The following SH3RF1 variants were observed in gnomAD, a reference collection of about 807,000 sequenced individuals.
SH3RF1 encodes SH3 domain containing ring finger 1, also known as E3 ubiquitin-protein ligase SH3RF1.
In SH3RF1, 32 loss-of-function variants were observed where a neutral mutation model predicts 74.0. The observed-to-expected ratio is 0.43, with a 90% CI of 0.33 to 0.58. SH3RF1 has a LOEUF of 0.58. SH3RF1 is among the 20% of genes least tolerant of loss of function. The probability of loss-of-function intolerance (pLI) is 0.05; values close to 1 mark genes in which losing one functional copy is unlikely to be tolerated. For synonymous variants in SH3RF1, 396 were observed against 439.6 expected (o/e 0.90, Z 1.24); for missense variants, 954 against 1,130.9 (o/e 0.84, Z 2.24).
At chr4:169,130,882 G>A (rs965391702) in intron 5 of SH3RF1, among the ~76,000 whole-genome samples, 1 of 152,212 alleles carries the variant, frequency 6.6e-6, no homozygotes, top group East Asian at 1.9e-4. Flanking sequence ...ACTGCAGAAT[G>A]CAGTGGTGTT....
intron 2 of SH3RF1, among the ~76,000 whole-genome samples, chr4:169,191,797 GC>G (rs752893484): frequency 6.6e-6 from 1 of 151,918 alleles, no homozygotes; most frequent in Non-Finnish European, 1.5e-5. Context: ...GGGGAGAAAA[GC>G]CTTTTTCAAC....
chr4:169,235,355 G>A (rs1730809466), intron 2 of SH3RF1, among the ~76,000 whole-genome samples: 1 of 152,252 alleles, frequency 6.6e-6, no homozygotes, highest in Admixed American at 6.5e-5. Context: ...ATAAAAAATA[G>A]CTAATACTCA....
intron 6 of SH3RF1, among the ~76,000 whole-genome samples, chr4:169,129,541 C>A (rs975101314): frequency 2.6e-5 from 4 of 152,140 alleles, no homozygotes. Context: ...TCTAAGGGGG[C>A]CTTCCAAGAC....
intron 2 of SH3RF1, among the ~76,000 whole-genome samples, chr4:169,164,065 C>T (rs1282474073): frequency 2.6e-5 from 4 of 152,202 alleles, no homozygotes; most frequent in East Asian, 3.8e-4. Flanking sequence ...CCTTCCTCTA[C>T]CCAAGTCTAG....
intron 10 of SH3RF1, among the ~76,000 whole-genome samples, chr4:169,107,948 C>G (rs1164483423): frequency 6.6e-6 from 1 of 150,882 alleles, no homozygotes; most frequent in Non-Finnish European, 1.5e-5. Flanking sequence ...TACAAATAAG[C>G]GTGTTTTTGT....
At chr4:169,118,989 G>T (rs774810469) in intron 8 of SH3RF1, among the ~76,000 whole-genome samples, 13 of 152,038 alleles carry the variant, frequency 8.6e-5, no homozygotes, top group Non-Finnish European at 1.9e-4. Flanking sequence ...TAACAATTCT[G>T]TATATAGTAA....
At chr4:169,267,604 G>A (rs1185000630) in intron 2 of SH3RF1, among the ~76,000 whole-genome samples, 4 of 152,172 alleles carry the variant, frequency 2.6e-5, no homozygotes, top group Non-Finnish European at 4.4e-5. Flanking sequence ...AAACCTGACA[G>A]CCTTAATGAT....
intron 10 of SH3RF1, among the ~76,000 whole-genome samples, 196 bp downstream of exon 10, chr4:169,116,073 A>G (rs1042775711): frequency 3.3e-5 from 5 of 152,144 alleles, no homozygotes; most frequent in African/African-American, 1.2e-4. Context: ...TGAGCTCTAG[A>G]TAAGAGGATG....
intron 2 of SH3RF1, among the ~76,000 whole-genome samples, chr4:169,253,656 C>T (rs1265489127): frequency 1.3e-5 from 2 of 152,186 alleles, no homozygotes; most frequent in South Asian, 2.1e-4. Flanking sequence ...CTACCATCCA[C>T]AGGATTACCC....
intron 2 of SH3RF1, among the ~76,000 whole-genome samples, chr4:169,246,263 T>C (rs569854250): frequency 6.6e-6 from 1 of 152,336 alleles, no homozygotes; most frequent in Admixed American, 6.5e-5. Flanking sequence ...GACACGTATT[T>C]CATAAAGAGA....
In SH3RF1 at chr4:169,130,148, T is replaced by C. The variant is rs760864361; in HGVS notation, c.1077A>G (p.Ile359Met). 3.2e-6 allele frequency: 5 copies of C among 1,568,166 alleles called. No homozygotes were observed. In the South Asian group the frequency reaches 6.0e-5, roughly 19 times the overall value. Residue 359 changes from isoleucine to methionine, a missense_variant, in exon 6 of 12, where the codon ATA (isoleucine) becomes ATG (methionine). This residue lies in a region of SH3RF1 where 854 missense variants were observed against 962.5 expected (regional missense o/e 0.89). Coordinates refer to ENST00000284637, the MANE Select transcript of SH3RF1 (RefSeq NM_020870.4). ...LSCSAPSQVH[I>M]STTGLIVTPP... ...GGGTCACAATTAACCCGGTGGTACT[T>C]ATATGAACCTGCCGAGAAAAGAAAA...
intron 4 of SH3RF1, among the ~76,000 whole-genome samples, chr4:169,142,325 G>A (rs1408611138): frequency 6.6e-6 from 1 of 152,124 alleles, no homozygotes; most frequent in African/African-American, 2.4e-5. Context: ...ATATATTTAT[G>A]TCTATTAAAT....
rs886727736 is a variant in SH3RF1, at chr4:169,096,442, A to G, written c.*77T>C. The stretch of plus-strand genomic sequence containing the variant: ...CTCCTGACCATCTGGAAGTCCACAA[A>G]TGTGCTCTTTCTGTTAAACTGCTTT... On this transcript the variant is annotated 3_prime_UTR_variant, in exon 12 of 12. Transcript: ENST00000284637. The G allele has an allele frequency of 2.4e-5, 36 of 1,503,178 alleles. 1 individual carries two copies. The African/African-American group carries it at 3.7e-4, about 16-fold the overall frequency. 93.1% of individuals were successfully genotyped at this position (1,503,178 alleles called of 1,614,324 possible).
Position 169,234,327 on chromosome 4 carries a change from A to G in SH3RF1, c.393+34493T>C, listed in dbSNP as rs1483068570. Reference sequence around the variant, plus strand: ...AAAGAAACACCCTCCCCACCCCCCAAAAAGAATTATTCAGTCTAAAATGTC... The same window carrying G: ...AAAGAAACACCCTCCCCACCCCCCAGAAAGAATTATTCAGTCTAAAATGTC... On this transcript the variant is annotated intron_variant, in intron 2 of 11. Coordinates refer to ENST00000284637, the MANE Select transcript of SH3RF1 (RefSeq NM_020870.4). 2.6e-5 allele frequency among the ~76,000 whole-genome samples: 4 copies of G among 152,014 alleles called. No homozygotes were observed. In the East Asian group the frequency reaches 7.7e-4, roughly 29 times the overall value.
At chr4:169,252,439 G>A (rs561593197) in intron 2 of SH3RF1, among the ~76,000 whole-genome samples, 1 of 152,284 alleles carries the variant, frequency 6.6e-6, no homozygotes, top group South Asian at 2.1e-4. Context: ...ATTGAAAAGG[G>A]CTATGAAAAT....
At chr4:169,258,304 G>T (rs969792089) in intron 2 of SH3RF1, among the ~76,000 whole-genome samples, 4 of 152,108 alleles carry the variant, frequency 2.6e-5, no homozygotes, top group Admixed American at 1.3e-4. Flanking sequence ...TGCCAGATTT[G>T]AACTTTCTTG....
At chr4:169,217,679 T>C (rs893342088) in intron 2 of SH3RF1, among the ~76,000 whole-genome samples, 2 of 151,990 alleles carry the variant, frequency 1.3e-5, no homozygotes, top group African/African-American at 4.8e-5. Context: ...GAATAAAACA[T>C]TGGCCTGGGA....
chr4:169,103,549 T>C (rs557375986), intron 11 of SH3RF1, among the ~76,000 whole-genome samples: 2 of 152,370 alleles, frequency 1.3e-5, no homozygotes, highest in African/African-American at 4.8e-5. Flanking sequence ...TTGAGCACTT[T>C]TTATTGTGTT....
At position 169,116,575 on chromosome 4, in the gene SH3RF1, C is replaced by A; in HGVS notation, c.1833G>T (p.Gln611His). ...PTAAVTPIQV[Q>H]NAAGLSPASV... ...ATGCAGGGCTGAGGCCGGCGGCATT[C>A]TGTACCTGGATGGGTGTCACTGCTG... Residue 611 changes from glutamine (Q) to histidine (H), a missense_variant, in exon 10 of 12, where the codon CAG (glutamine) becomes CAT (histidine). Physicochemically the swap from Gln to His is conservative, Grantham distance 24. Coordinates refer to ENST00000284637, the MANE Select transcript of SH3RF1 (RefSeq NM_020870.4). 6.3e-7 allele frequency: 1 copy of A among 1,595,064 alleles called. No homozygotes were observed. Among genetic ancestry groups the A allele is most frequent in the Non-Finnish European group, 8.6e-7 (1 of 1,168,904 alleles).
Sources: gnomAD v4.1 joint callset for allele counts (sites outside exome capture counted in the v4.1 genomes callset) on GRCh38, gnomAD v4.1.1 for gene constraint, gnomAD v4.1.1 regional missense constraint, MANE v1.5 for transcripts, NCBI Gene and HGNC (gene_info 2026-07-23, HGNC 2026-07-21) for gene names.